TMEM123: variants seen among roughly 807,000 people sequenced by gnomAD.
The protein encoded by TMEM123 is transmembrane protein 123.
Under a neutral mutation model 19.7 loss-of-function variants are expected in TMEM123, and 16 were observed. The observed-to-expected ratio is 0.81, with a 90% CI of 0.55 to 1.23. The LOEUF (loss-of-function observed/expected upper bound fraction) is 1.23, where lower values mean the gene tolerates loss of function less well. TMEM123 is among the 50% of genes most tolerant of loss of function. The pLI is 0.00. For synonymous variants in TMEM123, 118 were observed against 99.4 expected, an observed-to-expected ratio of 1.19 and a Z score of -1.12; for missense variants, 313 against 257.8, an observed-to-expected ratio of 1.21 and a Z score of -1.47.
rs550039463 is a variant in TMEM123 at position 102,439,525 on chromosome 11, CA to C, written c.157+9286del. On this transcript the variant is annotated intron_variant, in intron 2 of 4. Coordinates refer to ENST00000398136, the MANE Select transcript of TMEM123 (RefSeq NM_052932.3). Reference sequence around the variant, plus strand: ...AACTAACAAACAGAAAGGACATCCACACCAAAACCCCATCTGTACGTCACCA... The same window carrying C: ...AACTAACAAACAGAAAGGACATCCACCCAAAACCCCATCTGTACGTCACCA... Among the ~76,000 whole-genome samples, 971 of 152,270 alleles carry C rather than the reference CA, an allele frequency of 6.4e-3. 17 individuals are homozygous for C. Among genetic ancestry groups the C allele is most frequent in the African/African-American group, 0.022 (918 of 41,536 alleles).
At chr11:102,423,965 T>G (rs1952105777) in intron 2 of TMEM123, among the ~76,000 whole-genome samples, 1 of 152,206 alleles carries the variant, frequency 6.6e-6, no homozygotes, top group Non-Finnish European at 1.5e-5. Flanking sequence ...CAAATTCAGA[T>G]TTTTTTAAAA....
Position 102,398,718 on chromosome 11 carries a change from TTACA to T in TMEM123, c.*145_*148del. The T allele has an allele frequency of 1.3e-6, 1 of 746,958 alleles. No individual in the cohort carries two copies. The highest frequency in any genetic ancestry group is 2.1e-6 in the Non-Finnish European group (1 of 468,326). The allele number at this position is 746,958 out of a possible 1,614,324, so 46.3% of individuals were successfully genotyped here. Reference sequence around the variant, plus strand: ...AAACCCTTGTTACCTTGAAGAATCTTTACATATTTACGTAATACACTGTACATTA... The same window carrying T: ...AAACCCTTGTTACCTTGAAGAATCTTTATTTACGTAATACACTGTACATTA... On this transcript the variant is annotated 3_prime_UTR_variant, in exon 5 of 5. Transcript: ENST00000398136.
chr11:102,400,620 C>T (rs1951904218), intron 4 of TMEM123, among the ~76,000 whole-genome samples: 1 of 152,170 alleles, frequency 6.6e-6, no homozygotes, highest in Non-Finnish European at 1.5e-5. Flanking sequence ...ACCCTAATCC[C>T]AGTGTGATGA....
chr11:102,448,144 T>C (rs1184070726), intron 2 of TMEM123: 1 of 439,892 alleles, frequency 2.3e-6, no homozygotes, highest in Non-Finnish European at 4.6e-6. Context: ...AGTGATAGGA[T>C]TGGTGTACCT....
chr11:102,446,947 A>C (rs1293221621), intron 2 of TMEM123, among the ~76,000 whole-genome samples: 2 of 152,258 alleles, frequency 1.3e-5, no homozygotes, highest in African/African-American at 4.8e-5. Flanking sequence ...GTATGTTCAA[A>C]GAAACAAAGC....
chr11:102,437,204 C>T (rs1253148621), intron 2 of TMEM123, among the ~76,000 whole-genome samples: 1 of 152,158 alleles, frequency 6.6e-6, no homozygotes, highest in Non-Finnish European at 1.5e-5. Context: ...TCCCTACTCC[C>T]ACCATCCCAC....
At chr11:102,435,708 T>C (rs1408408788) in intron 2 of TMEM123, among the ~76,000 whole-genome samples, 1 of 151,862 alleles carries the variant, frequency 6.6e-6, no homozygotes, top group Non-Finnish European at 1.5e-5. Context: ...GGATAAACCA[T>C]ATGTGACATA....
At chr11:102,400,806 C>A (rs996481484) in intron 4 of TMEM123, among the ~76,000 whole-genome samples, 4 of 152,216 alleles carry the variant, frequency 2.6e-5, no homozygotes, top group Non-Finnish European at 5.9e-5. Flanking sequence ...GACTTCCAAG[C>A]CTCCGGAAGT....
At chr11:102,449,541 C>CT (rs1857917903) in intron 1 of TMEM123, 1 of 62,452 alleles carries the variant, frequency 1.6e-5, no homozygotes, top group African/African-American at 4.3e-5. Context: ...AAGATGAACT[C>CT]TCCCCCACTT....
At chr11:102,420,861 AACATGGTG>A (rs1365939312) in intron 2 of TMEM123, among the ~76,000 whole-genome samples, 3 of 152,178 alleles carry the variant, frequency 2.0e-5, no homozygotes, top group Non-Finnish European at 2.9e-5. Context: ...CAGCCTGGCC[AACATGGTG>A]AAACCCTGTC....
intron 2 of TMEM123, among the ~76,000 whole-genome samples, chr11:102,425,843 A>T: frequency 6.6e-6 from 1 of 152,136 alleles, no homozygotes; most frequent in Admixed American, 6.5e-5. Context: ...AAGAGCTGGA[A>T]TTACAGGCAT....
At chr11:102,433,914 T>C (rs1209073878) in intron 2 of TMEM123, among the ~76,000 whole-genome samples, 4 of 151,824 alleles carry the variant, frequency 2.6e-5, no homozygotes, top group Admixed American at 6.6e-5. Flanking sequence ...ATAAGTTTCC[T>C]GAGGCCTCCC....
chr11:102,444,485 C>G (rs541882827), intron 2 of TMEM123, among the ~76,000 whole-genome samples: 2 of 146,166 alleles, frequency 1.4e-5, no homozygotes, highest in African/African-American at 2.5e-5. Flanking sequence ...TAGGTGGGAA[C>G]TGAACAATGA....
In TMEM123 at chr11:102,397,073, C is replaced by T. The variant is rs1217188911; in HGVS notation, c.*1794G>A. On this transcript the variant is annotated 3_prime_UTR_variant, in exon 5 of 5. Coordinates refer to ENST00000398136, the MANE Select transcript of TMEM123 (RefSeq NM_052932.3). ...CCAAGTTAGTAACATACAACTCAGC[C>T]ATCAGCCCACCTCTCCTTCAAACTA... 1 of 152,136 alleles carries T rather than the reference C, an allele frequency of 6.6e-6. No homozygotes were observed. Among genetic ancestry groups the T allele is most frequent in the African/African-American group, 2.4e-5 (1 of 41,424 alleles). 9.4% of individuals were successfully genotyped at this position (152,136 alleles called of 1,614,324 possible). A position where few individuals can be genotyped will look rare whatever the true frequency, so the allele number is the denominator to read the frequency against.
At chr11:102,444,936 G>A (rs536153996) in intron 2 of TMEM123, among the ~76,000 whole-genome samples, 36 of 151,286 alleles carry the variant, frequency 2.4e-4, no homozygotes, top group East Asian at 9.8e-4. Flanking sequence ...ACCAAACACC[G>A]CATGTTCTCA....
intron 2 of TMEM123, among the ~76,000 whole-genome samples, chr11:102,427,975 T>C (rs1952144052): frequency 6.6e-6 from 1 of 152,078 alleles, no homozygotes; most frequent in Non-Finnish European, 1.5e-5. Context: ...ACAATAATCT[T>C]CTGGCAAGAC....
intron 2 of TMEM123, 76 bp from the exon 3 acceptor site, chr11:102,402,282 T>A: frequency 6.8e-7 from 1 of 1,472,064 alleles, no homozygotes; most frequent in Non-Finnish European, 9.3e-7. Context: ...GAGACTTTCA[T>A]GGTCACAGAC....
In TMEM123 at chr11:102,398,883, T is replaced by C. The variant is rs750048979; in HGVS notation, c.611A>G (p.His204Arg). Residue 204 changes from histidine (H) to arginine (R), a missense_variant, in exon 5 of 5, where the codon CAT becomes CGT. Transcript: ENST00000398136. ...RGIRYRTIDE[H>R]DAII ...TGGATTTCCTTAAATGATGGCATCATGTTCATCTCTGTAATATATTAAAAG... is the reference window on the plus strand; with the variant it reads ...TGGATTTCCTTAAATGATGGCATCACGTTCATCTCTGTAATATATTAAAAG... 2 of 1,611,260 alleles carry C rather than the reference T, an allele frequency of 1.2e-6. No homozygotes were observed. Among genetic ancestry groups the C allele is most frequent in the Admixed American group, 3.4e-5 (2 of 59,458 alleles).
intron 2 of TMEM123, among the ~76,000 whole-genome samples, chr11:102,440,614 A>G (rs536610855): frequency 4.1e-4 from 62 of 152,372 alleles, no homozygotes; most frequent in Middle Eastern, 3.4e-3. Flanking sequence ...TGTAAAGACC[A>G]TCGATGATAG....
Sources: gnomAD v4.1 joint callset for allele counts (sites outside exome capture counted in the v4.1 genomes callset) on GRCh38, gnomAD v4.1.1 for gene constraint, MANE v1.5 for transcripts, NCBI Gene and HGNC (gene_info 2026-07-23, HGNC 2026-07-21) for gene names.